Variants in NRXN3 observed in about 807,000 individuals in gnomAD.
NRXN3 encodes the protein neurexin 3, also known as neurexin III.
NRXN3 carries 32 observed loss-of-function variants against 137.6 expected under a neutral mutation model. The ratio of observed to expected loss-of-function variants is 0.23; its 90% CI spans 0.18 to 0.31. The LOEUF (loss-of-function observed/expected upper bound fraction) is 0.31. Ranked by LOEUF, NRXN3 falls within the 10% of genes least tolerant of loss-of-function variation. NRXN3 has a pLI of 1.00. For synonymous variants in NRXN3, 798 were observed against 784.5 expected (o/e 1.02, Z -0.29); for missense variants, 1,574 against 2,062.5 (o/e 0.76, Z 4.59).
intron 15 of NRXN3, among the ~76,000 whole-genome samples, chr14:79,039,653 A>T (rs1039347018): frequency 2.0e-5 from 3 of 152,088 alleles, no homozygotes; most frequent in African/African-American, 7.2e-5. Flanking sequence ...GCCAGGATTC[A>T]TGCAGTCCCT....
intron 4 of NRXN3, among the ~76,000 whole-genome samples, chr14:78,304,455 G>A (rs2077167642): frequency 6.6e-6 from 1 of 152,192 alleles, no homozygotes; most frequent in African/African-American, 2.4e-5. Context: ...CTGTTGAGGA[G>A]GCCGTTGGGC....
At chr14:78,359,322 T>G (rs978571086) in intron 4 of NRXN3, among the ~76,000 whole-genome samples, 9 of 152,168 alleles carry the variant, frequency 5.9e-5, no homozygotes, top group Non-Finnish European at 1.0e-4. Flanking sequence ...AGTGGACGTC[T>G]TAAAGGCTCT....
intron 10 of NRXN3, among the ~76,000 whole-genome samples, chr14:78,909,935 C>G (rs1261974261): frequency 6.6e-6 from 1 of 152,116 alleles, no homozygotes; most frequent in Non-Finnish European, 1.5e-5. Context: ...ACCTACCAAT[C>G]ATTTATTCAT....
chr14:78,803,590 C>T (rs779426587), intron 8 of NRXN3, 30 bp from the exon 9 acceptor site: 2 of 1,607,210 alleles, frequency 1.2e-6, no homozygotes, highest in Non-Finnish European at 8.5e-7. Context: ...ATCCGTCATC[C>T]TAACGATCTT....
At chr14:78,691,911 C>T (rs913888996) in intron 6 of NRXN3, among the ~76,000 whole-genome samples, 12 of 152,032 alleles carry the variant, frequency 7.9e-5, no homozygotes, top group Non-Finnish European at 1.2e-4. Flanking sequence ...TGAAAGAAAA[C>T]GCAGATAAAA....
At position 79,358,213 on chromosome 14, in the gene NRXN3, A is replaced by G. The variant is rs532918785; in HGVS notation, c.3263-109008A>G. On this transcript the variant is annotated intron_variant, in intron 15 of 20. Transcript: ENST00000335750. ...TACACCAAAACCAAAATAATGGGCAATGTTGTCCCTGAATGTTCAAATTAG... is the reference window on the plus strand; with the variant it reads ...TACACCAAAACCAAAATAATGGGCAGTGTTGTCCCTGAATGTTCAAATTAG... Among the ~76,000 whole-genome samples the G allele has an allele frequency of 2.7e-4, 41 of 152,282 alleles. No homozygotes were observed. In the Middle Eastern group the frequency reaches 0.017, roughly 63 times the overall value.
chr14:78,841,826 A>G (rs1378949898), intron 10 of NRXN3, among the ~76,000 whole-genome samples: 1 of 152,138 alleles, frequency 6.6e-6, no homozygotes, highest in Non-Finnish European at 1.5e-5. Context: ...TTTAACGAAG[A>G]GTGCTATGTT....
chr14:78,673,332 T>C (rs1228890185), intron 6 of NRXN3, among the ~76,000 whole-genome samples: 1 of 152,178 alleles, frequency 6.6e-6, no homozygotes, highest in Non-Finnish European at 1.5e-5. Context: ...GTGGTGTTTT[T>C]GTGTTGTTTT....
intron 16 of NRXN3, among the ~76,000 whole-genome samples, chr14:79,600,697 A>G (rs1258005660): frequency 2.0e-5 from 3 of 152,130 alleles, no homozygotes; most frequent in Non-Finnish European, 4.4e-5. Flanking sequence ...AGAGATTCCC[A>G]AGTCCCCTGG....
intron 15 of NRXN3, among the ~76,000 whole-genome samples, chr14:79,328,219 G>T (rs1439037598): frequency 1.3e-5 from 2 of 152,166 alleles, no homozygotes; most frequent in East Asian, 1.9e-4. Flanking sequence ...TATCACAAAG[G>T]TAAGCATGTT....
At chr14:79,158,001 A>G (rs552296558) in intron 15 of NRXN3, among the ~76,000 whole-genome samples, 1 of 151,874 alleles carries the variant, frequency 6.6e-6, no homozygotes, top group African/African-American at 2.4e-5. Context: ...TGATTGAGTA[A>G]AGATCTTTCT....
intron 4 of NRXN3, among the ~76,000 whole-genome samples, chr14:78,472,415 T>G (rs1372004946): frequency 1.3e-5 from 2 of 152,226 alleles, no homozygotes; most frequent in African/African-American, 2.4e-5. Context: ...TTTTCCCATT[T>G]TGCTACCTAT....
At chr14:79,008,717 G>A (rs916254534) in intron 15 of NRXN3, among the ~76,000 whole-genome samples, 11 of 145,470 alleles carry the variant, frequency 7.6e-5, no homozygotes, top group Non-Finnish European at 1.3e-4. Context: ...GGAGTGAAGT[G>A]ATGTAATCTC....
intron 16 of NRXN3, among the ~76,000 whole-genome samples, chr14:79,578,037 T>C (rs1393091688): frequency 4.6e-5 from 7 of 152,208 alleles, no homozygotes; most frequent in Admixed American, 2.6e-4. Flanking sequence ...GTTTGAAAGC[T>C]TGCAGTCTGC....
intron 3 of NRXN3, among the ~76,000 whole-genome samples, chr14:78,286,764 T>G (rs531480198): frequency 6.6e-6 from 1 of 152,244 alleles, no homozygotes; most frequent in Non-Finnish European, 1.5e-5. Context: ...CAGCAATAAC[T>G]ACATGCTTTT....
In NRXN3 at chr14:78,891,804, G is replaced by T. The variant is rs780914037; in HGVS notation, c.2276-65438G>T. Among the ~76,000 whole-genome samples, 5 of 151,922 alleles carry T rather than the reference G, an allele frequency of 3.3e-5. No individual in the cohort carries two copies. In the East Asian group the frequency reaches 9.7e-4, roughly 30 times the overall value. ...ACACATGCATTTTTCAAATGTATGCGTCTGCAATAAATATTTGTTAAATGA... is the reference window on the plus strand; with the variant it reads ...ACACATGCATTTTTCAAATGTATGCTTCTGCAATAAATATTTGTTAAATGA... On this transcript the variant is annotated intron_variant, in intron 10 of 20. Coordinates refer to ENST00000335750, the MANE Select transcript of NRXN3 (RefSeq NM_001330195.2).
chr14:78,321,642 T>C (rs2079381557), intron 4 of NRXN3, among the ~76,000 whole-genome samples: 1 of 152,072 alleles, frequency 6.6e-6, no homozygotes, highest in Admixed American at 6.5e-5. Context: ...ATTTCTGTCT[T>C]CAGTCATCAA....
intron 10 of NRXN3, among the ~76,000 whole-genome samples, chr14:78,829,315 C>G (rs1355929540): frequency 6.6e-6 from 1 of 152,162 alleles, no homozygotes; most frequent in Non-Finnish European, 1.5e-5. Flanking sequence ...TAAATTCCAA[C>G]TCACCATTAT....
chr14:78,817,790 C>G (rs2098938508), intron 10 of NRXN3, among the ~76,000 whole-genome samples: 1 of 152,102 alleles, frequency 6.6e-6, no homozygotes, highest in African/African-American at 2.4e-5. Context: ...GGGCATTAAT[C>G]TATTTATGAG....
Sources: gnomAD v4.1 joint callset for allele counts (sites outside exome capture counted in the v4.1 genomes callset) on GRCh38, gnomAD v4.1.1 for gene constraint, MANE v1.5 for transcripts, NCBI Gene and HGNC (gene_info 2026-07-23, HGNC 2026-07-21) for gene names.